The following GSS variants were observed in gnomAD, a reference collection of about 807,000 sequenced individuals.
GSS encodes glutathione synthetase, also known as GSH synthetase.
In GSS, 34 loss-of-function variants were observed where a neutral mutation model predicts 60.4. That is an observed-to-expected ratio of 0.56 (90% CI 0.43 to 0.75). The LOEUF is 0.75. Among genes scored for constraint, GSS ranks in the 30% least tolerant of loss-of-function variants. GSS has a pLI of 0.00. For synonymous variants in GSS, 224 were observed against 239.0 expected (o/e 0.94, Z 0.58); for missense variants, 499 against 595.1 (o/e 0.84, Z 1.68).
Position 34,936,969 on chromosome 20 carries a change from A to G in GSS, c.663T>C (p.Arg221=). The G allele has an allele frequency of 6.2e-7, 1 of 1,613,962 alleles. No individual in the cohort carries two copies. The highest frequency in any genetic ancestry group is 8.5e-7 in the Non-Finnish European group (1 of 1,179,924). ...TGGCCAGTAGCTCATTCTCTATGGC[A>G]CGCTGGTCAAATATGTTTCTTTCCT... The part of the protein sequence containing the change: ...QEKERNIFDQ[R]AIENELLARN... Residue 221 remains arginine, a synonymous_variant, in exon 7 of 13, where the codon CGT becomes CGC. Coordinates refer to ENST00000651619, the MANE Select transcript of GSS (RefSeq NM_000178.4).
Position 34,937,023 on chromosome 20 carries a change from A to T in GSS, c.609T>A (p.Asn203Lys). The T allele has an allele frequency of 6.2e-7, 1 of 1,612,498 alleles. No individual in the cohort carries two copies. The highest frequency in any genetic ancestry group is 1.3e-5 in the African/African-American group (1 of 74,980). The change falls in exon 7 of 13, where the codon AAT (asparagine) becomes AAA (lysine). Residue 203 changes from asparagine to lysine, a missense_variant and splice_region_variant. Coordinates refer to ENST00000651619, the MANE Select transcript of GSS (RefSeq NM_000178.4). ...CTTGAGCAATCAGTAGCACCAGAGC[A>T]CTGGGGAAAGAGCACAGGTGGCCCG... The part of the protein sequence containing the change: ...AKAWELYGSP[N>K]ALVLLIAQEK...
At chr20:34,935,709 T>A in intron 8 of GSS, 67 bp from the exon 9 acceptor site, 1 of 1,239,942 alleles carries the variant, frequency 8.1e-7, no homozygotes, top group South Asian at 1.2e-5. Flanking sequence ...GTTCAATCTA[T>A]TTCAGGGTGC....
At chr20:34,947,996 G>A (rs2081536646) in intron 2 of GSS, among the ~76,000 whole-genome samples, 1 of 138,960 alleles carries the variant, frequency 7.2e-6, no homozygotes, top group African/African-American at 2.7e-5. Context: ...TGCCCAGACT[G>A]GAATACAGTG....
In GSS at chr20:34,951,738, G is replaced by T; in HGVS notation, c.115C>A (p.Pro39Thr). The change falls in exon 2 of 13, where the codon CCC (proline) becomes ACC (threonine). Residue 39 changes from proline to threonine, a missense_variant. By Grantham distance (38) the Pro-to-Thr change is conservative (BLOSUM62 -1). Transcript: ENST00000651619. Reference protein sequence around the residue: ...EGVLLRTSQEPTSSEVVSYAP... With the variant: ...EGVLLRTSQETTSSEVVSYAP... Reference sequence around the variant, plus strand: ...TAGGGGCTTACCTCCGAGGAAGTGGGCTCCTGTGAGGTCCTCAGCAATACT... The same window carrying T: ...TAGGGGCTTACCTCCGAGGAAGTGGTCTCCTGTGAGGTCCTCAGCAATACT... 2 of 1,609,662 alleles carry T rather than the reference G, an allele frequency of 1.2e-6. No individual in the cohort carries two copies. The highest frequency in any genetic ancestry group is 1.7e-6 in the Non-Finnish European group (2 of 1,177,734).
intron 1 of GSS, chr20:34,952,900 C>T (rs1027899640): frequency 5.9e-5 from 9 of 152,320 alleles, no homozygotes; most frequent in African/African-American, 2.2e-4. Flanking sequence ...AGGTGAACTC[C>T]TCCCTTATAC....
intron 3 of GSS, among the ~76,000 whole-genome samples, chr20:34,943,706 C>T (rs1204394384): frequency 6.6e-6 from 1 of 152,188 alleles, no homozygotes; most frequent in African/African-American, 2.4e-5. Context: ...CACTCCTTTA[C>T]AGCACTGACT....
chr20:34,949,614 T>G (rs1304480299), intron 2 of GSS: 1 of 152,180 alleles, frequency 6.6e-6, no homozygotes, highest in African/African-American at 2.4e-5. Context: ...GTTCAGAGCA[T>G]GGACTCAGGA....
intron 2 of GSS, among the ~76,000 whole-genome samples, chr20:34,949,145 G>A (rs1345429600): frequency 6.6e-6 from 1 of 152,132 alleles, no homozygotes; most frequent in Admixed American, 6.5e-5. Flanking sequence ...CTGGAGGAAG[G>A]GGACTTACTC....
At chr20:34,941,621 T>C in intron 6 of GSS, 92 bp downstream of exon 6, 1 of 792,824 alleles carries the variant, frequency 1.3e-6, no homozygotes, top group Non-Finnish European at 2.3e-6. Flanking sequence ...ATCCCCTTAT[T>C]CTCTAATGAT....
Position 34,946,140 on chromosome 20 carries a change from G to A in GSS, c.130-42C>T. 4 of 1,556,710 alleles carry A rather than the reference G, an allele frequency of 2.6e-6. No homozygotes were observed. In the South Asian group the frequency reaches 4.6e-5, roughly 18 times the overall value. ...AGAATGGGACAGGGGTAGGGCACCT[G>A]TGAACGGGTTGTCTTCCTGCAAATG... On this transcript the variant is annotated intron_variant, in intron 2 of 12. Coordinates refer to ENST00000651619, the MANE Select transcript of GSS (RefSeq NM_000178.4).
chr20:34,950,962 T>C (rs141674438), intron 2 of GSS, among the ~76,000 whole-genome samples: 21 of 152,300 alleles, frequency 1.4e-4, no homozygotes, highest in African/African-American at 4.6e-4. Context: ...GATGAGGTTT[T>C]AAAAAGGTGT....
At chr20:34,952,255 G>C in intron 1 of GSS, 1 of 294,182 alleles carries the variant, frequency 3.4e-6, no homozygotes, top group South Asian at 3.3e-5. Context: ...GATGTGACTG[G>C]GGCAAGTTCC....
Position 34,929,459 on chromosome 20 carries a change from T to TAGG in GSS, c.1242_1243insCCT (p.Gly414_Ser415insPro), listed in dbSNP as rs2081381477. 6.2e-7 allele frequency: 1 copy of TAGG among 1,614,060 alleles called. No homozygotes were observed. The highest frequency in any genetic ancestry group is 1.3e-5 in the African/African-American group (1 of 74,918). ...ATGCACTGGACCACTCGGGCAGGGC[T>TAGG]GCCAGGCCGTAGCAGGCAATTCTCA... On this transcript the variant is annotated inframe_insertion, in exon 12 of 13. Transcript: ENST00000651619.
At chr20:34,937,067 T>C in intron 6 of GSS, 44 bp from the exon 7 acceptor site, 1 of 1,460,578 alleles carries the variant, frequency 6.8e-7, no homozygotes, top group Non-Finnish European at 9.6e-7. Flanking sequence ...ATAGAACTTG[T>C]TCTTCTTTTG....
chr20:34,944,202 T>A lies in GSS; in HGVS notation c.276-1196A>T, dbSNP rs189872113. Among the ~76,000 whole-genome samples the A allele has an allele frequency of 7.2e-5, 11 of 152,244 alleles. No homozygotes were observed. In the East Asian group the frequency reaches 1.7e-3, roughly 24 times the overall value. Reference sequence around the variant, plus strand: ...TTTTCTGAAGAGGTGCTCCCCTTCATGTTTTGTAGGGGGCTCTTCTCCCTT... The same window carrying A: ...TTTTCTGAAGAGGTGCTCCCCTTCAAGTTTTGTAGGGGGCTCTTCTCCCTT... On this transcript the variant is annotated intron_variant, in intron 3 of 12. Coordinates refer to ENST00000651619, the MANE Select transcript of GSS (RefSeq NM_000178.4).
chr20:34,934,632 C>G lies in GSS; in HGVS notation c.834+944G>C, dbSNP rs140362605. Among the ~76,000 whole-genome samples the G allele has an allele frequency of 5.4e-3, 827 of 152,232 alleles. 2 individuals are homozygous for G. Among genetic ancestry groups the G allele is most frequent in the Non-Finnish European group, 9.2e-3 (623 of 68,010 alleles). ...TCTCCTGTAGTCAGCAAGTTGCCACCACTGCTAACCACCTATCTAAAGAAA... is the reference window on the plus strand; with the variant it reads ...TCTCCTGTAGTCAGCAAGTTGCCACGACTGCTAACCACCTATCTAAAGAAA... On this transcript the variant is annotated intron_variant, in intron 9 of 12. Coordinates refer to ENST00000651619, the MANE Select transcript of GSS (RefSeq NM_000178.4).
chr20:34,935,816 G>A (rs548744439), intron 8 of GSS, among the ~76,000 whole-genome samples, 174 bp from the exon 9 acceptor site: 1 of 152,260 alleles, frequency 6.6e-6, no homozygotes, highest in African/African-American at 2.4e-5. Context: ...ACACTACCAG[G>A]GCTTCCACTG....
chr20:34,946,328 T>C (rs1338988054), intron 2 of GSS, among the ~76,000 whole-genome samples: 1 of 152,054 alleles, frequency 6.6e-6, no homozygotes, highest in Non-Finnish European at 1.5e-5. Flanking sequence ...AAAAGCAAAA[T>C]GCAAATAACA....
chr20:34,949,054 A>T (rs2081545335), intron 2 of GSS, among the ~76,000 whole-genome samples: 3 of 151,062 alleles, frequency 2.0e-5, no homozygotes, highest in East Asian at 3.9e-4. Flanking sequence ...TTTTTTTTTT[A>T]AATGTTGGCT....
Sources: allele counts gnomAD v4.1 joint callset (sites outside exome capture counted in the v4.1 genomes callset), GRCh38; gene constraint gnomAD v4.1.1; transcripts MANE v1.5; gene names NCBI Gene and HGNC (gene_info 2026-07-23, HGNC 2026-07-21).